The following EGFL6 variants were observed in gnomAD, a reference collection of about 807,000 sequenced individuals.
EGFL6 encodes the protein EGF like domain multiple 6.
EGFL6 carries 42 observed loss-of-function variants against 43.1 expected under a neutral mutation model. The ratio of observed to expected loss-of-function variants is 0.98; its 90% CI spans 0.76 to 1.26. The LOEUF is 1.26. Ranked by LOEUF, EGFL6 falls within the 50% of genes most tolerant of loss-of-function variation. The pLI is 0.00. For missense variants in EGFL6, 429 were observed against 427.8 expected (o/e 1.00, Z -0.02); for synonymous variants, 164 against 163.2 (o/e 1.01, Z -0.04).
At chrX:13,600,280 C>CTTTTTTTTTTTTTTTTT (rs1231725425) in intron 4 of EGFL6, among the ~76,000 whole-genome samples, 186 bp downstream of exon 4, 1 of 44,278 alleles carries the variant, frequency 2.3e-5, no homozygotes, top group Non-Finnish European at 3.8e-5. Context: ...TTTCTTTCTT[C>CTTTTTTTTTTTTTTTTT]TTTTTTTTTT....
chrX:13,605,740 C>T (rs1385320029), intron 5 of EGFL6, among the ~76,000 whole-genome samples: 1 of 111,900 alleles, frequency 8.9e-6, no homozygotes, highest in Non-Finnish European at 1.9e-5. Context: ...AGCTGTCAGC[C>T]CCTCTGTTAC....
Position 13,627,139 on chromosome X carries a change from GGAGACAAAGTCGGGAAACTTCGA to G in EGFL6, c.1416_1438del (p.Asp473ValfsTer6). 1 of 1,212,127 alleles carries G rather than the reference GGAGACAAAGTCGGGAAACTTCGA, an allele frequency of 8.2e-7. No individual in the cohort carries two copies. ...TTTGCTCTTTGATTACCGGCTGGCC[GGAGACAAAGTCGGGAAACTTCGA>G]GTGTTTGTGAAAAACAGTAACAATG... On this transcript the variant is annotated frameshift_variant, in exon 11 of 12. Coordinates refer to ENST00000361306, the MANE Select transcript of EGFL6 (RefSeq NM_015507.4). LOFTEE classifies it high-confidence loss of function.
At chrX:13,592,017 C>T (rs1265042769) in intron 2 of EGFL6, among the ~76,000 whole-genome samples, 1 of 111,383 alleles carries the variant, frequency 9.0e-6, no homozygotes. Context: ...AACTGAATTT[C>T]CCTTGCTGTC....
intron 9 of EGFL6, among the ~76,000 whole-genome samples, chrX:13,623,270 C>T (rs951318015): frequency 3.7e-5 from 4 of 107,355 alleles, no homozygotes; most frequent in Non-Finnish European, 7.7e-5. Flanking sequence ...ATTTTCTGGC[C>T]TGAATTCGAT....
chrX:13,593,523 G>A (rs1036242953), intron 2 of EGFL6, among the ~76,000 whole-genome samples: 1 of 111,527 alleles, frequency 9.0e-6, no homozygotes, highest in African/African-American at 3.3e-5. Flanking sequence ...GGACCTCTAG[G>A]GGGTTAATTG....
chrX:13,600,280 C>CTTCTTTTTTTTTTTTTTTTTTTT (rs1326551826), intron 4 of EGFL6, among the ~76,000 whole-genome samples, 186 bp downstream of exon 4: 21 of 44,280 alleles, frequency 4.7e-4, no homozygotes, highest in East Asian at 1.0e-3. Flanking sequence ...TTTCTTTCTT[C>CTTCTTTTTTTTTTTTTTTTTTTT]TTTTTTTTTT....
chrX:13,581,954 CAGAG>C (rs766395065), intron 1 of EGFL6, among the ~76,000 whole-genome samples: 9 of 111,552 alleles, frequency 8.1e-5, no homozygotes, highest in Admixed American at 2.8e-4. Context: ...TAGGAAGAGA[CAGAG>C]AGAGAGTGAG....
Position 13,619,387 on chromosome X carries a change from G to A in EGFL6, c.1183+144G>A, listed in dbSNP as rs180779900. ...AAAATCATTACATCACACACACAGT[G>A]CCAGTATTAAAATAGTAGGTCCTTG... is the stretch of plus-strand genomic sequence containing the variant. On this transcript the variant is annotated intron_variant, in intron 9 of 11. Coordinates refer to ENST00000361306, the MANE Select transcript of EGFL6 (RefSeq NM_015507.4). The A allele has an allele frequency of 2.4e-3, 1,203 of 500,219 alleles. 5 individuals are homozygous for A. Among genetic ancestry groups the A allele is most frequent in the Non-Finnish European group, 3.1e-3 (903 of 290,580 alleles). 41.2% of individuals were successfully genotyped at this position (500,219 alleles called of 1,213,427 possible). A position where few individuals can be genotyped will look rare whatever the true frequency, so the allele number is the denominator to read the frequency against.
At chrX:13,631,128 T>C (rs1487397647) in intron 11 of EGFL6, among the ~76,000 whole-genome samples, 3 of 112,767 alleles carry the variant, frequency 2.7e-5, no homozygotes, top group Non-Finnish European at 5.6e-5. Flanking sequence ...AATTTCATTT[T>C]GATAGGCTAT....
chrX:13,605,463 C>T (rs2045654978), intron 5 of EGFL6, among the ~76,000 whole-genome samples: 1 of 108,318 alleles, frequency 9.2e-6, no homozygotes, highest in African/African-American at 3.4e-5. Context: ...TTTGTAGTCC[C>T]AGCTACTCAG....
chrX:13,632,899 C>T lies in EGFL6; in HGVS notation c.1552-86C>T, dbSNP rs112382683. On this transcript the variant is annotated intron_variant, in intron 11 of 11. Coordinates refer to ENST00000361306, the MANE Select transcript of EGFL6 (RefSeq NM_015507.4). Reference sequence around the variant, plus strand: ...GAAGCCGGTTTCTATGAAATAGGGACACGAGTTAATAGCTATTAAATAGCT... The same window carrying T: ...GAAGCCGGTTTCTATGAAATAGGGATACGAGTTAATAGCTATTAAATAGCT... The T allele has an allele frequency of 1.9e-5, 16 of 848,580 alleles. No individual in the cohort carries two copies. The East Asian group carries it at 4.9e-4, about 26-fold the overall frequency. 69.9% of individuals were successfully genotyped at this position (848,580 alleles called of 1,213,427 possible). A position where few individuals can be genotyped will look rare whatever the true frequency, so the allele number is the denominator to read the frequency against.
chrX:13,595,218 AAC>A (rs1347483786), intron 3 of EGFL6, among the ~76,000 whole-genome samples: 1 of 110,848 alleles, frequency 9.0e-6, no homozygotes, highest in African/African-American at 3.3e-5. Context: ...CTCTTTCCGT[AAC>A]ACAGAAAAAA....
At chrX:13,626,310 T>C (rs941537991) in intron 10 of EGFL6, among the ~76,000 whole-genome samples, 8 of 111,603 alleles carry the variant, frequency 7.2e-5, no homozygotes, top group African/African-American at 2.6e-4. Context: ...CTTCCTGGCT[T>C]CTATAGAAAT....
chrX:13,588,565 G>A (rs1156393045), intron 1 of EGFL6, among the ~76,000 whole-genome samples: 2 of 110,910 alleles, frequency 1.8e-5, no homozygotes, highest in East Asian at 2.8e-4. Context: ...CATCCATGGC[G>A]GCACTACTTG....
chrX:13,589,560 A>G lies in EGFL6; in HGVS notation c.79A>G (p.Arg27Gly). ...AGGFGNAASARHHGLLASARQ... is the reference protein window; with the variant it reads ...AGGFGNAASAGHHGLLASARQ... ...CATGTAGTTCTTTATCTGCAGTGCA[A>G]GGCATCACGGGTTGTTAGCATCGGC... The change falls in exon 2 of 12, where the codon AGG becomes GGG. Residue 27 changes from arginine to glycine, a missense_variant. Arg to Gly is a moderately radical substitution (Grantham distance 125, BLOSUM62 -2). Coordinates refer to ENST00000361306, the MANE Select transcript of EGFL6 (RefSeq NM_015507.4). 1.7e-6 allele frequency: 2 copies of G among 1,208,565 alleles called. No homozygotes were observed. The highest frequency in any genetic ancestry group is 1.7e-5 in the African/African-American group (1 of 57,688).
chrX:13,602,410 C>T (rs2045638695), intron 4 of EGFL6, among the ~76,000 whole-genome samples: 1 of 112,278 alleles, frequency 8.9e-6, no homozygotes, highest in Admixed American at 9.4e-5. Context: ...GACAAAAAAG[C>T]CAAGTAAATT....
intron 5 of EGFL6, 71 bp downstream of exon 5, chrX:13,603,507 A>G: frequency 9.4e-7 from 1 of 1,064,751 alleles, no homozygotes; most frequent in Non-Finnish European, 1.2e-6. Context: ...ATCTTTTTTC[A>G]TTCATCACAA....
At chrX:13,623,985 T>C (rs768092611) in intron 10 of EGFL6, 60 bp downstream of exon 10, 545 of 918,931 alleles carry the variant, frequency 5.9e-4, no homozygotes, top group Admixed American at 1.4e-3. Flanking sequence ...AAGCCCTCCA[T>C]GAGTGATGGG....
chrX:13,592,958 A>G (rs1406591836), intron 2 of EGFL6, among the ~76,000 whole-genome samples: 1 of 94,848 alleles, frequency 1.1e-5, no homozygotes, highest in East Asian at 3.5e-4. Flanking sequence ...TTTGTCACCC[A>G]GGCTGGAGTG....
Sources: allele counts gnomAD v4.1 joint callset (sites outside exome capture counted in the v4.1 genomes callset), GRCh38; gene constraint gnomAD v4.1.1; transcripts MANE v1.5; gene names NCBI Gene and HGNC (gene_info 2026-07-23, HGNC 2026-07-21).